CSGALNACT1: variants seen among roughly 807,000 people sequenced by gnomAD.
The protein encoded by CSGALNACT1 is chondroitin sulfate N-acetylgalactosaminyltransferase 1.
CSGALNACT1 carries 52 observed loss-of-function variants against 51.0 expected under a neutral mutation model. That is an observed-to-expected ratio of 1.02 (90% CI 0.82 to 1.29). The LOEUF (loss-of-function observed/expected upper bound fraction) is 1.29, where lower values mean the gene tolerates loss of function less well. CSGALNACT1 is among the 50% of genes most tolerant of loss of function. CSGALNACT1 has a pLI of 0.00. For synonymous variants in CSGALNACT1, 341 were observed against 254.4 expected, an observed-to-expected ratio of 1.34 and a Z score of -3.24; for missense variants, 935 against 679.2, an observed-to-expected ratio of 1.38 and a Z score of -4.19.
At chr8:19,756,025 C>G (rs1416014218) in intron 1 of CSGALNACT1, among the ~76,000 whole-genome samples, 1 of 152,156 alleles carries the variant, frequency 6.6e-6, no homozygotes, top group Non-Finnish European at 1.5e-5. Flanking sequence ...CCTTTTATGC[C>G]TAAGGCTTAC....
intron 1 of CSGALNACT1, among the ~76,000 whole-genome samples, chr8:19,667,033 AAGGAAGG>A (rs1192527875): frequency 1.5e-3 from 62 of 40,774 alleles, no homozygotes; most frequent in African/African-American, 3.5e-3. Context: ...GGAAGGAAGG[AAGGAAGG>A]AAGAAAGAAA....
Position 19,418,801 on chromosome 8 carries a change from G to A in CSGALNACT1, c.1133-51C>T, listed in dbSNP as rs375164938. ...CTTAAAGTGACAGATCCAAGTAGTA[G>A]GTTTGTTCCTTGACATTTGGCCCTC... On this transcript the variant is annotated intron_variant, in intron 7 of 9. Coordinates refer to ENST00000454498, the Ensembl canonical transcript of CSGALNACT1. The A allele has an allele frequency of 6.1e-6, 8 of 1,319,872 alleles. No individual in the cohort carries two copies. In the African/African-American group the frequency reaches 8.7e-5, roughly 14 times the overall value. The allele number at this position is 1,319,872 out of a possible 1,614,324, so 81.8% of individuals were successfully genotyped here. A position where few individuals can be genotyped will look rare whatever the true frequency, so the allele number is the denominator to read the frequency against.
chr8:19,659,469 G>A (rs1373350638), intron 1 of CSGALNACT1, among the ~76,000 whole-genome samples: 1 of 152,068 alleles, frequency 6.6e-6, no homozygotes, highest in Non-Finnish European at 1.5e-5. Flanking sequence ...GACAAACTGT[G>A]TGTGTTTCCG....
At chr8:19,493,333 G>C (rs945667009) in intron 4 of CSGALNACT1, among the ~76,000 whole-genome samples, 6 of 152,088 alleles carry the variant, frequency 3.9e-5, no homozygotes, top group Non-Finnish European at 7.4e-5. Context: ...TTTATTTATT[G>C]AGTTAAAATT....
chr8:19,468,940 G>A (rs1235751586), intron 4 of CSGALNACT1, among the ~76,000 whole-genome samples: 4 of 152,180 alleles, frequency 2.6e-5, no homozygotes, highest in African/African-American at 9.7e-5. Context: ...ACCTTCAGGT[G>A]CACAGTGCAT....
Position 19,701,742 on chromosome 8 carries a change from C to A in CSGALNACT1, c.-297+56108G>T, listed in dbSNP as rs182699913. On this transcript the variant is annotated intron_variant, in intron 1 of 1. Coordinates refer to the CSGALNACT1 transcript ENST00000517494. Reference sequence around the variant, plus strand: ...GCATCCTACATGTCACGTACTGAAGCCCAGAAAGTTTAAGTAATTTACCCA... The same window carrying A: ...GCATCCTACATGTCACGTACTGAAGACCAGAAAGTTTAAGTAATTTACCCA... Among the ~76,000 whole-genome samples, 109 of 152,210 alleles carry A rather than the reference C, an allele frequency of 7.2e-4. 1 individual carries two copies. The highest frequency in any genetic ancestry group is 2.4e-3 in the African/African-American group (101 of 41,522).
In CSGALNACT1 at chr8:19,474,882, A is replaced by AAAG. The variant is rs1554599644; in HGVS notation, c.635-16241_635-16240insCTT. Among the ~76,000 whole-genome samples, 151 of 150,736 alleles carry AAAG rather than the reference A, an allele frequency of 1.0e-3. 2 individuals carry two copies. The highest frequency in any genetic ancestry group is 8.3e-3 in the Admixed American group (125 of 15,082). ...AACTCTGTCTCAGAAAAAAAAAAAA[A>AAAG]AAAAGAAAAAAAAAAGAAAGCAACT... On this transcript the variant is annotated intron_variant, in intron 4 of 9. Coordinates refer to ENST00000454498, the Ensembl canonical transcript of CSGALNACT1.
In CSGALNACT1 at chr8:19,488,759, G is replaced by C. The variant is rs918035861; in HGVS notation, c.634+16442C>G. ...TAGTTTATAACAACCCGACAGGGTAGATTATTAATAATGTCAGTTTCACAG... is the reference window on the plus strand; with the variant it reads ...TAGTTTATAACAACCCGACAGGGTACATTATTAATAATGTCAGTTTCACAG... On this transcript the variant is annotated intron_variant, in intron 4 of 9. Coordinates refer to ENST00000454498, the Ensembl canonical transcript of CSGALNACT1. 1.3e-5 allele frequency among the ~76,000 whole-genome samples: 2 copies of C among 152,244 alleles called. 1 individual carries two copies.
chr8:19,746,792 C>T (rs957988847), intron 1 of CSGALNACT1, among the ~76,000 whole-genome samples: 3 of 152,196 alleles, frequency 2.0e-5, no homozygotes, highest in African/African-American at 7.2e-5. Flanking sequence ...AGATTTCTAG[C>T]TCATGTACAT....
chr8:19,513,436 C>CTCTCTCTCTCTCTCTCTATATATATATA, intron 3 of CSGALNACT1, among the ~76,000 whole-genome samples: 2 of 81,978 alleles, frequency 2.4e-5, no homozygotes, highest in African/African-American at 7.3e-5. Flanking sequence ...CTCTCTCTCT[C>CTCTCTCTCTCTCTCTCTATATATATATA]TATATATATA....
Position 19,735,482 on chromosome 8 carries a change from C to T in CSGALNACT1, c.-297+22368G>A, listed in dbSNP as rs146260174. Among the ~76,000 whole-genome samples the T allele has an allele frequency of 2.5e-3, 382 of 151,982 alleles. 3 individuals carry two copies. Among genetic ancestry groups the T allele is most frequent in the African/African-American group, 8.2e-3 (341 of 41,394 alleles). ...GCTCAAATCAAAATACCACAAAATT[C>T]TCAGGAGGGAAAGCTGTCATGAGCA... On this transcript the variant is annotated intron_variant, in intron 1 of 1. Coordinates refer to the CSGALNACT1 transcript ENST00000517494.
intron 3 of CSGALNACT1, among the ~76,000 whole-genome samples, chr8:19,560,285 G>A (rs2040409751): frequency 1.3e-5 from 2 of 152,090 alleles, no homozygotes; most frequent in Non-Finnish European, 1.5e-5. Flanking sequence ...AAACTCTAAA[G>A]CTTTTAAAAT....
At chr8:19,487,598 C>T (rs1048217500) in intron 4 of CSGALNACT1, among the ~76,000 whole-genome samples, 4 of 152,182 alleles carry the variant, frequency 2.6e-5, no homozygotes, top group Non-Finnish European at 4.4e-5. Context: ...TTGAAAGACT[C>T]AACTGTTGAT....
intron 4 of CSGALNACT1, among the ~76,000 whole-genome samples, chr8:19,482,530 C>T (rs1237406219): frequency 6.6e-6 from 1 of 152,138 alleles, no homozygotes; most frequent in South Asian, 2.1e-4. Context: ...TCTCAATATT[C>T]GATGCTAATG....
chr8:19,747,856 A>T (rs2064778641), intron 1 of CSGALNACT1, among the ~76,000 whole-genome samples: 1 of 152,082 alleles, frequency 6.6e-6, no homozygotes, highest in Non-Finnish European at 1.5e-5. Context: ...AAAGACTCAA[A>T]CTCAGCTTTC....
chr8:19,575,881 T>C (rs1488425619), intron 3 of CSGALNACT1, among the ~76,000 whole-genome samples: 2 of 152,296 alleles, frequency 1.3e-5, no homozygotes, highest in East Asian at 1.9e-4. Flanking sequence ...TGAGAGTTCA[T>C]TGTACCATAC....
At chr8:19,451,978 A>T (rs1453486346) in intron 5 of CSGALNACT1, among the ~76,000 whole-genome samples, 1 of 152,224 alleles carries the variant, frequency 6.6e-6, no homozygotes, top group East Asian at 1.9e-4. Flanking sequence ...GATGCATGGG[A>T]AGGATAATGC....
intron 6 of CSGALNACT1, among the ~76,000 whole-genome samples, chr8:19,433,230 T>G (rs1196064137): frequency 6.6e-6 from 1 of 152,180 alleles, no homozygotes; most frequent in Non-Finnish European, 1.5e-5. Context: ...GCTGAGGGAT[T>G]CTGTTTGCAT....
At chr8:19,568,371 T>A (rs1320469310) in intron 3 of CSGALNACT1, among the ~76,000 whole-genome samples, 3 of 152,146 alleles carry the variant, frequency 2.0e-5, no homozygotes, top group Admixed American at 2.0e-4. Flanking sequence ...AGGGAAAATA[T>A]GGTATTATAA....
Sources: allele counts gnomAD v4.1 joint callset (sites outside exome capture counted in the v4.1 genomes callset), GRCh38; gene constraint gnomAD v4.1.1; transcripts MANE v1.5; gene names NCBI Gene and HGNC (gene_info 2026-07-23, HGNC 2026-07-21).